ANKFN1: variants seen among roughly 807,000 people sequenced by gnomAD.
The protein encoded by ANKFN1 is ankyrin repeat and fibronectin type-III domain-containing protein 1.
A neutral mutation model predicts 108.7 loss-of-function variants in ANKFN1; 74 were observed. The ratio of observed to expected loss-of-function variants is 0.68; its 90% CI spans 0.56 to 0.83. The LOEUF (loss-of-function observed/expected upper bound fraction) is 0.83. ANKFN1 is among the 40% of genes least tolerant of loss of function. The pLI, the probability that ANKFN1 is intolerant of heterozygous loss-of-function variation, is 0.00. For synonymous variants in ANKFN1, 547 were observed against 516.2 expected (o/e 1.06, Z -0.81); for missense variants, 1,505 against 1,382.3 (o/e 1.09, Z -1.41).
At chr17:56,256,448 G>T (rs2043359260) in intron 3 of ANKFN1, among the ~76,000 whole-genome samples, 1 of 152,110 alleles carries the variant, frequency 6.6e-6, no homozygotes, top group Non-Finnish European at 1.5e-5. Context: ...TCATGGTGGA[G>T]AATTATTTGG....
chr17:56,478,685 A>G (rs1287924058), intron 16 of ANKFN1, among the ~76,000 whole-genome samples: 1 of 151,992 alleles, frequency 6.6e-6, no homozygotes, highest in Admixed American at 6.6e-5. Flanking sequence ...AAAAAAAGAA[A>G]GAGAAGAAAA....
chr17:56,145,297 G>GT (rs896663134), intron 4 of ANKFN1, among the ~76,000 whole-genome samples: 2 of 152,140 alleles, frequency 1.3e-5, no homozygotes, highest in Non-Finnish European at 2.9e-5. Flanking sequence ...AAAATAGAAT[G>GT]TTTTTTGCTA....
intron 1 of ANKFN1, among the ~76,000 whole-genome samples, chr17:56,164,377 A>G (rs1383243285): frequency 6.6e-6 from 1 of 151,980 alleles, no homozygotes; most frequent in Non-Finnish European, 1.5e-5. Flanking sequence ...GCCCATCTCT[A>G]CTGGATCTGT....
intron 8 of ANKFN1, among the ~76,000 whole-genome samples, chr17:56,431,843 C>A (rs2048766899): frequency 6.6e-6 from 1 of 152,238 alleles, no homozygotes; most frequent in Admixed American, 6.5e-5. Context: ...TGTAAACTGA[C>A]TACGTATCTT....
chr17:56,068,536 C>T (rs1905086550), intron 4 of ANKFN1, among the ~76,000 whole-genome samples: 1 of 152,142 alleles, frequency 6.6e-6, no homozygotes. Flanking sequence ...GGCATGAGTG[C>T]CCATAGAGCT....
At chr17:56,332,975 GTGTGTATA>G (rs1463444515) in intron 4 of ANKFN1, among the ~76,000 whole-genome samples, 1 of 76,374 alleles carries the variant, frequency 1.3e-5, no homozygotes, top group Non-Finnish European at 2.9e-5. Flanking sequence ...GTGTATATAT[GTGTGTATA>G]TATATATATA....
intron 14 of ANKFN1, among the ~76,000 whole-genome samples, chr17:56,458,938 T>A (rs940321119): frequency 6.6e-5 from 10 of 152,198 alleles, no homozygotes; most frequent in African/African-American, 2.4e-4. Context: ...TCTTAAACCC[T>A]CACAATAATA....
intron 4 of ANKFN1, among the ~76,000 whole-genome samples, chr17:56,078,260 T>C (rs1905203863): frequency 6.6e-6 from 1 of 152,184 alleles, no homozygotes; most frequent in South Asian, 2.1e-4. Flanking sequence ...ATCATTTTCC[T>C]TTCTGGGCTT....
intron 19 of ANKFN1, among the ~76,000 whole-genome samples, chr17:56,493,811 A>T (rs918158440): frequency 2.0e-5 from 3 of 152,164 alleles, no homozygotes; most frequent in Non-Finnish European, 4.4e-5. Flanking sequence ...AGGCAGAGAA[A>T]CCAAATAAGA....
intron 15 of ANKFN1, among the ~76,000 whole-genome samples, chr17:56,467,106 ACT>A (rs929952139): frequency 6.6e-6 from 1 of 152,048 alleles, no homozygotes; most frequent in African/African-American, 2.4e-5. Context: ...ACAGAGTAAG[ACT>A]CTGTCTCAAA....
chr17:56,447,224 G>GA (rs2049327404), intron 10 of ANKFN1, among the ~76,000 whole-genome samples: 1 of 151,548 alleles, frequency 6.6e-6, no homozygotes, highest in Admixed American at 6.6e-5. Flanking sequence ...CTCTTTCTCA[G>GA]AAAAAAAGAA....
At chr17:56,459,853 C>T (rs891239916) in intron 14 of ANKFN1, among the ~76,000 whole-genome samples, 3 of 152,182 alleles carry the variant, frequency 2.0e-5, no homozygotes, top group African/African-American at 7.2e-5. Context: ...ACTTCCTCAG[C>T]TTCCAAATCT....
intron 4 of ANKFN1, among the ~76,000 whole-genome samples, chr17:56,127,596 G>A (rs1598116436): frequency 6.6e-6 from 1 of 152,086 alleles, no homozygotes; most frequent in African/African-American, 2.4e-5. Flanking sequence ...TTGCAGGTGT[G>A]AGCCACCGCA....
intron 3 of ANKFN1, among the ~76,000 whole-genome samples, chr17:56,252,649 A>G (rs2043261381): frequency 6.6e-6 from 1 of 151,478 alleles, no homozygotes; most frequent in Non-Finnish European, 1.5e-5. Context: ...AGGGTGGTGC[A>G]TGCCTGTAGT....
At chr17:56,291,224 A>T (rs1411851229) in intron 3 of ANKFN1, among the ~76,000 whole-genome samples, 1 of 152,094 alleles carries the variant, frequency 6.6e-6, no homozygotes, top group Non-Finnish European at 1.5e-5. Context: ...TGATTCTAGG[A>T]CTATGTCTCT....
chr17:56,200,931 G>T (rs1914001483), intron 1 of ANKFN1, among the ~76,000 whole-genome samples: 1 of 152,174 alleles, frequency 6.6e-6, no homozygotes, highest in South Asian at 2.1e-4. Flanking sequence ...CTGAAGCATT[G>T]CATAAAAGGA....
At chr17:56,210,587 GT>G (rs1037351230) in intron 1 of ANKFN1, among the ~76,000 whole-genome samples, 3 of 151,340 alleles carry the variant, frequency 2.0e-5, no homozygotes, top group Non-Finnish European at 4.4e-5. Flanking sequence ...GGATAGGATT[GT>G]TTTTTTCTTG....
chr17:56,344,486 T>C (rs564601635), intron 4 of ANKFN1, among the ~76,000 whole-genome samples: 9 of 152,100 alleles, frequency 5.9e-5, no homozygotes, highest in African/African-American at 1.9e-4. Context: ...AGCCATGAAG[T>C]CAGACAGAGA....
intron 8 of ANKFN1, among the ~76,000 whole-genome samples, chr17:56,412,068 T>A (rs2144998538): frequency 6.6e-6 from 1 of 152,338 alleles, no homozygotes; most frequent in Non-Finnish European, 1.5e-5. Flanking sequence ...TTGGCTGTTT[T>A]TTAAATGACT....
Sources: allele counts gnomAD v4.1 joint callset (sites outside exome capture counted in the v4.1 genomes callset), GRCh38; gene constraint gnomAD v4.1.1; transcripts MANE v1.5; gene names NCBI Gene and HGNC (gene_info 2026-07-23, HGNC 2026-07-21).